The following BTF3L4 variants were observed in gnomAD, a reference collection of about 807,000 sequenced individuals.
The protein encoded by BTF3L4 is basic transcription factor 3 like 4.
In BTF3L4, 6 loss-of-function variants were observed where a neutral mutation model predicts 16.8. The ratio of observed to expected loss-of-function variants is 0.36; its 90% CI spans 0.20 to 0.71. The LOEUF is 0.71. Ranked by LOEUF, BTF3L4 falls within the 30% of genes least tolerant of loss-of-function variation. The probability of loss-of-function intolerance (pLI) is 0.58; values close to 1 mark genes in which losing one functional copy is unlikely to be tolerated. For missense variants in BTF3L4, 92 were observed against 186.9 expected, an observed-to-expected ratio of 0.49 and a Z score of 2.96; for synonymous variants, 39 against 59.8, an observed-to-expected ratio of 0.65 and a Z score of 1.60.
At chr1:52,072,930 C>T (rs1424854438) in intron 3 of BTF3L4, among the ~76,000 whole-genome samples, 6 of 152,154 alleles carry the variant, frequency 3.9e-5, no homozygotes, top group East Asian at 1.9e-4. Flanking sequence ...TGGTGGCGTG[C>T]GCCTGTAATC....
At chr1:52,064,065 A>G (rs536628349) in intron 2 of BTF3L4, among the ~76,000 whole-genome samples, 10 of 152,302 alleles carry the variant, frequency 6.6e-5, no homozygotes, top group South Asian at 6.2e-4. Context: ...GTCCTTGCCT[A>G]TCTTTCTGAT....
Position 52,077,403 on chromosome 1 carries a change from G to A in BTF3L4, c.169-5937G>A, listed in dbSNP as rs112817377. Among the ~76,000 whole-genome samples the A allele has an allele frequency of 2.2e-3, 335 of 152,118 alleles. 3 individuals are homozygous for A. The highest frequency in any genetic ancestry group is 7.6e-3 in the African/African-American group (314 of 41,476). On this transcript the variant is annotated intron_variant, in intron 3 of 5. Coordinates refer to ENST00000313334, the MANE Select transcript of BTF3L4 (RefSeq NM_152265.5). The stretch of plus-strand genomic sequence containing the variant: ...CTAAAAATATAAAAATTAGCTGGGC[G>A]TGGTGTCACATGCCTGTAATCCCAG...
intron 3 of BTF3L4, among the ~76,000 whole-genome samples, chr1:52,081,744 G>C (rs1294704389): frequency 1.3e-5 from 2 of 152,240 alleles, no homozygotes; most frequent in Non-Finnish European, 2.9e-5. Flanking sequence ...AAGTGTAATA[G>C]TGAGAGAGGG....
At chr1:52,071,928 ACT>A (rs1491231622) in intron 3 of BTF3L4, among the ~76,000 whole-genome samples, 3 of 50,236 alleles carry the variant, frequency 6.0e-5, no homozygotes, top group Non-Finnish European at 1.3e-4. Flanking sequence ...TTTGTTTTTT[ACT>A]CTGTGTGTGT....
chr1:52,056,947 C>A (rs1572017009), intron 1 of BTF3L4, among the ~76,000 whole-genome samples: 1 of 152,212 alleles, frequency 6.6e-6, no homozygotes, highest in African/African-American at 2.4e-5. Context: ...ATGGCGGTTT[C>A]AACTTCCGTT....
At chr1:52,078,592 A>C (rs1261505566) in intron 3 of BTF3L4, among the ~76,000 whole-genome samples, 2 of 152,190 alleles carry the variant, frequency 1.3e-5, no homozygotes, top group Non-Finnish European at 2.9e-5. Flanking sequence ...TTCACAGAGA[A>C]AGAAGCATCT....
At chr1:52,071,931 CTG>C (rs59491944) in intron 3 of BTF3L4, among the ~76,000 whole-genome samples, 14,860 of 127,656 alleles carry the variant, frequency 0.12, 804 homozygotes, top group Admixed American at 0.15. Flanking sequence ...GTTTTTTACT[CTG>C]TGTGTGTGTG....
At chr1:52,074,553 G>T (rs1211789412) in intron 3 of BTF3L4, among the ~76,000 whole-genome samples, 2 of 152,046 alleles carry the variant, frequency 1.3e-5, no homozygotes, top group Admixed American at 6.6e-5. Context: ...AGTAGAGACG[G>T]GTTTCTCCAT....
intron 3 of BTF3L4, among the ~76,000 whole-genome samples, chr1:52,076,786 A>G (rs968267354): frequency 5.9e-5 from 9 of 152,188 alleles, no homozygotes; most frequent in African/African-American, 2.2e-4. Context: ...TGCAAAGCCC[A>G]TTATCCTCAA....
rs375334375 is a variant in BTF3L4 at position 52,062,270 on chromosome 1, C to T, written c.54+2369C>T. Among the ~76,000 whole-genome samples the T allele has an allele frequency of 2.1e-3, 294 of 137,790 alleles. 5 individuals carry two copies. Among genetic ancestry groups the T allele is most frequent in the African/African-American group, 7.7e-3 (282 of 36,700 alleles). 90.4% of individuals were successfully genotyped at this position (137,790 alleles called of 152,430 possible). ...AGGCTGGAGTGCAGTGGCGTGATCTCGGCTCACTGCAACCTCCACCTCCTG... is the reference window on the plus strand; with the variant it reads ...AGGCTGGAGTGCAGTGGCGTGATCTTGGCTCACTGCAACCTCCACCTCCTG... On this transcript the variant is annotated intron_variant, in intron 2 of 5. Coordinates refer to ENST00000313334, the MANE Select transcript of BTF3L4 (RefSeq NM_152265.5).
intron 3 of BTF3L4, among the ~76,000 whole-genome samples, chr1:52,067,893 C>G (rs942313911): frequency 3.3e-5 from 5 of 152,180 alleles, no homozygotes; most frequent in Non-Finnish European, 5.9e-5. Flanking sequence ...TGGTAACAGA[C>G]CTATACTCCT....
At chr1:52,078,174 T>C (rs2124438906) in intron 3 of BTF3L4, among the ~76,000 whole-genome samples, 1 of 151,478 alleles carries the variant, frequency 6.6e-6, no homozygotes, top group Non-Finnish European at 1.5e-5. Context: ...CACCTCAGCC[T>C]CCTGAGTAGC....
At chr1:52,080,835 T>G (rs1643913417) in intron 3 of BTF3L4, among the ~76,000 whole-genome samples, 1 of 105,508 alleles carries the variant, frequency 9.5e-6, no homozygotes, top group South Asian at 3.6e-4. Flanking sequence ...CGCTCGGCCT[T>G]CTTTTTTTTT....
At chr1:52,060,913 T>C (rs1436347556) in intron 2 of BTF3L4, among the ~76,000 whole-genome samples, 2 of 152,254 alleles carry the variant, frequency 1.3e-5, no homozygotes, top group African/African-American at 4.8e-5. Context: ...AACCATAGAA[T>C]ATACCTAGAA....
At chr1:52,076,460 C>T (rs914076922) in intron 3 of BTF3L4, among the ~76,000 whole-genome samples, 2 of 151,562 alleles carry the variant, frequency 1.3e-5, no homozygotes, top group African/African-American at 4.9e-5. Flanking sequence ...GACTCTAATC[C>T]CAGATACTCA....
intron 4 of BTF3L4, among the ~76,000 whole-genome samples, chr1:52,084,727 G>A (rs1305043968): frequency 1.3e-5 from 2 of 151,462 alleles, no homozygotes; most frequent in East Asian, 3.9e-4. Flanking sequence ...AGGACTTCAA[G>A]TCTGCAGTGA....
chr1:52,071,969 G>A (rs1014057598), intron 3 of BTF3L4, among the ~76,000 whole-genome samples: 2 of 137,920 alleles, frequency 1.5e-5, no homozygotes, highest in Non-Finnish European at 3.2e-5. Flanking sequence ...GTGTGTGTGT[G>A]TGTGTAGATA....
At chr1:52,073,207 C>T (rs1045192240) in intron 3 of BTF3L4, among the ~76,000 whole-genome samples, 2 of 152,038 alleles carry the variant, frequency 1.3e-5, no homozygotes, top group African/African-American at 4.8e-5. Context: ...TTGCCTGAAC[C>T]TGGGAGGCAG....
intron 3 of BTF3L4, among the ~76,000 whole-genome samples, chr1:52,069,601 G>T (rs1158164397): frequency 6.6e-6 from 1 of 152,048 alleles, no homozygotes; most frequent in Non-Finnish European, 1.5e-5. Flanking sequence ...TTGAGTTTTG[G>T]CAGTTTAAAG....
Sources: allele counts gnomAD v4.1 joint callset (sites outside exome capture counted in the v4.1 genomes callset), GRCh38; gene constraint gnomAD v4.1.1; transcripts MANE v1.5; gene names NCBI Gene and HGNC (gene_info 2026-07-23, HGNC 2026-07-21).